The following NUMBL variants were observed in gnomAD, a reference collection of about 807,000 sequenced individuals.
NUMBL encodes NUMB like endocytic adaptor protein, also known as numb-like protein.
A neutral mutation model predicts 48.9 loss-of-function variants in NUMBL; 20 were observed. The observed-to-expected ratio is 0.41, with a 90% CI of 0.29 to 0.59. NUMBL has a LOEUF of 0.59. NUMBL is among the 20% of genes least tolerant of loss of function. NUMBL has a pLI of 0.31. For synonymous variants in NUMBL, 340 were observed against 348.7 expected, an observed-to-expected ratio of 0.98 and a Z score of 0.28; for missense variants, 660 against 846.2, an observed-to-expected ratio of 0.78 and a Z score of 2.73.
At chr19:40,671,373 T>G (rs1350962391) in intron 8 of NUMBL, among the ~76,000 whole-genome samples, 1 of 105,972 alleles carries the variant, frequency 9.4e-6, no homozygotes, top group Non-Finnish European at 1.9e-5. Context: ...GTGACATGTG[T>G]GTGGGGGGGT....
chr19:40,681,677 A>G (rs1467322271), intron 5 of NUMBL, among the ~76,000 whole-genome samples: 2 of 151,900 alleles, frequency 1.3e-5, no homozygotes, highest in Admixed American at 6.6e-5. Flanking sequence ...AAATATATAT[A>G]TATATTTTTT....
chr19:40,680,185 G>GA lies in NUMBL; in HGVS notation c.540+731_540+732insT, dbSNP rs760534764. ...CTCGCTCTGTCACCCAGGCTGGAGT[G>GA]CAGTGGTGCAGTCTTGGCTCACTGC... On this transcript the variant is annotated intron_variant, in intron 6 of 9. Coordinates refer to ENST00000252891, the MANE Select transcript of NUMBL (RefSeq NM_004756.5). Among the ~76,000 whole-genome samples the GA allele has an allele frequency of 3.1e-3, 471 of 151,790 alleles. 3 individuals are homozygous for GA. The highest frequency in any genetic ancestry group is 0.01 in the East Asian group (53 of 5,156).
chr19:40,685,963 G>C (rs1270868981), intron 2 of NUMBL: 1 of 153,038 alleles, frequency 6.5e-6, no homozygotes, highest in Non-Finnish European at 1.5e-5. Flanking sequence ...TTTTCATGAG[G>C]GTTATTTGTA....
At chr19:40,683,915 C>G (rs2081918989) in intron 3 of NUMBL, among the ~76,000 whole-genome samples, 2 of 151,700 alleles carry the variant, frequency 1.3e-5, no homozygotes, top group African/African-American at 4.9e-5. Flanking sequence ...GTAGCTGGGA[C>G]TACAGGTGCG....
chr19:40,682,132 C>G lies in NUMBL; in HGVS notation c.399+596G>C, dbSNP rs1205692730. 6.6e-6 allele frequency among the ~76,000 whole-genome samples: 1 copy of G among 151,964 alleles called. No individual in the cohort carries two copies. Among genetic ancestry groups the G allele is most frequent in the East Asian group, 1.9e-4 (1 of 5,154 alleles). On this transcript the variant is annotated intron_variant, in intron 5 of 9. Coordinates refer to ENST00000252891, the MANE Select transcript of NUMBL (RefSeq NM_004756.5). This position sits in a 1 kb window ranked among gnomAD's most constrained non-coding sequence, Gnocchi z 4.0. ...ACTTAATGGTAGGGTCTATTATAATCCCTGTTTTTCTGCGATGGAGTTTAG... is the reference window on the plus strand; with the variant it reads ...ACTTAATGGTAGGGTCTATTATAATGCCTGTTTTTCTGCGATGGAGTTTAG...
intron 2 of NUMBL, 121 bp from the exon 3 acceptor site, chr19:40,684,677 T>G: frequency 2.5e-5 from 34 of 1,362,482 alleles, no homozygotes; most frequent in Non-Finnish European, 3.1e-5. Flanking sequence ...GAAGCGGGGT[T>G]ACAGGGTCAG....
chr19:40,670,168 G>C (rs991492273), intron 8 of NUMBL, 148 bp from the exon 9 acceptor site: 1 of 884,748 alleles, frequency 1.1e-6, no homozygotes, highest in Non-Finnish European at 1.6e-6. Flanking sequence ...CCAAATAACT[G>C]TGCATATGTG....
chr19:40,690,056 C>T, intron 1 of NUMBL: 1 of 163,104 alleles, frequency 6.1e-6, no homozygotes, highest in Non-Finnish European at 1.3e-5. Flanking sequence ...AGTTGTTGTG[C>T]TGAGACCCCC....
chr19:40,680,193 G>A (rs887278676), intron 6 of NUMBL, among the ~76,000 whole-genome samples: 1 of 150,982 alleles, frequency 6.6e-6, no homozygotes, highest in Admixed American at 6.6e-5. Context: ...GTGCAGTGGT[G>A]CAGTCTTGGC....
chr19:40,670,804 G>A (rs1202505904), intron 8 of NUMBL, among the ~76,000 whole-genome samples: 3 of 152,086 alleles, frequency 2.0e-5, no homozygotes, highest in Non-Finnish European at 2.9e-5. Context: ...ACTGGGGTCC[G>A]GGTGTGTGGC....
At chr19:40,678,311 C>T (rs539283504) in intron 6 of NUMBL, among the ~76,000 whole-genome samples, 5 of 152,230 alleles carry the variant, frequency 3.3e-5, no homozygotes, top group South Asian at 2.1e-4. Context: ...TATAGGCATG[C>T]GCCACCACAC....
At position 40,666,020 on chromosome 19, in the gene NUMBL, T is replaced by G. The variant is rs1353526495; in HGVS notation, c.*1448A>C. On this transcript the variant is annotated 3_prime_UTR_variant, in exon 10 of 10. Coordinates refer to ENST00000252891, the MANE Select transcript of NUMBL (RefSeq NM_004756.5). ...GACTGTAAAACGTTGCCACATCAGGTGACACTTTGGCCAGAGTTATGGAAA... is the reference window on the plus strand; with the variant it reads ...GACTGTAAAACGTTGCCACATCAGGGGACACTTTGGCCAGAGTTATGGAAA... The G allele has an allele frequency of 6.6e-6, 1 of 152,128 alleles. No individual in the cohort carries two copies. The highest frequency in any genetic ancestry group is 2.4e-5 in the African/African-American group (1 of 41,416). 9.4% of individuals were successfully genotyped at this position (152,128 alleles called of 1,614,324 possible).
intron 9 of NUMBL, 152 bp from the exon 10 acceptor site, chr19:40,668,290 C>G: frequency 7.4e-7 from 1 of 1,346,584 alleles, no homozygotes; most frequent in East Asian, 2.5e-5. Flanking sequence ...CCCGAGCTTG[C>G]TGACTTCAGG....
chr19:40,685,416 G>C (rs1287238315), intron 2 of NUMBL: 1 of 153,938 alleles, frequency 6.5e-6, no homozygotes, highest in African/African-American at 2.4e-5. Context: ...GTTTCTGAAG[G>C]CTGTCTGGAA....
Position 40,667,604 on chromosome 19 carries a change from T to C in NUMBL, c.1694A>G (p.Glu565Gly). 6.4e-7 allele frequency: 1 copy of C among 1,554,960 alleles called. No homozygotes were observed. Among genetic ancestry groups the C allele is most frequent in the Non-Finnish European group, 8.7e-7 (1 of 1,149,320 alleles). The change falls in exon 10 of 10, where the codon GAG becomes GGG. Residue 565 changes from glutamate (E) to glycine (G), a missense_variant. Glu to Gly is a moderately conservative substitution (Grantham distance 98). Coordinates refer to ENST00000252891, the MANE Select transcript of NUMBL (RefSeq NM_004756.5). This position sits in a 1 kb window ranked among gnomAD's most constrained non-coding sequence, Gnocchi z 6.1. ...PRPNGAPWPP[E>G]PAPAPAPELD... The stretch of plus-strand genomic sequence containing the variant: ...CTCTGGAGCTGGGGCAGGCGCTGGC[T>C]CAGGGGGCCAGGGGGCCCCATTGGG...
Position 40,682,653 on chromosome 19 carries a change from G to A in NUMBL, c.399+75C>T. The A allele has an allele frequency of 4.3e-6, 6 of 1,403,886 alleles. No homozygotes were observed. Among genetic ancestry groups the A allele is most frequent in the South Asian group, 2.5e-5 (2 of 81,136 alleles). The allele number at this position is 1,403,886 out of a possible 1,614,324, so 87.0% of individuals were successfully genotyped here. The stretch of plus-strand genomic sequence containing the variant: ...AGGGAGGGATGTGCAGAGGAGGCGG[G>A]AAGGTGTCCTCCGCCCTGATTCCAG... On this transcript the variant is annotated intron_variant, in intron 5 of 9. Coordinates refer to ENST00000252891, the MANE Select transcript of NUMBL (RefSeq NM_004756.5). This position sits in a 1 kb window ranked among gnomAD's most constrained non-coding sequence, Gnocchi z 4.0.
chr19:40,678,927 C>T (rs1459075447), intron 6 of NUMBL, among the ~76,000 whole-genome samples: 1 of 151,948 alleles, frequency 6.6e-6, no homozygotes, highest in African/African-American at 2.4e-5. Context: ...CCCATCTCTA[C>T]TAAAAATACA....
chr19:40,686,376 ACTCCTGAC>A (rs60715892), intron 2 of NUMBL, among the ~76,000 whole-genome samples: 55,044 of 151,424 alleles, frequency 0.36, 10,306 homozygotes, highest in African/African-American at 0.46. Context: ...CTGGTCTCGA[ACTCCTGAC>A]CTCCTGACCT....
In NUMBL at chr19:40,667,870, T is replaced by C. The variant is rs368693248; in HGVS notation, c.1428A>G (p.Gln476=). The C allele has an allele frequency of 1.6e-5, 26 of 1,588,588 alleles. No individual in the cohort carries two copies. Among genetic ancestry groups the C allele is most frequent in the Admixed American group, 1.2e-4 (7 of 56,332 alleles). ...GTGGGGGTGGCAGGAACACGGCCAC[T>C]TGGGCAGGTGCAGCGTCAAAGGGCC... ...PVGPFDAAPA[Q]VAVFLPPPHM... Residue 476 remains glutamine (Q), a synonymous_variant, in exon 10 of 10, where the codon CAA becomes CAG. Coordinates refer to ENST00000252891, the MANE Select transcript of NUMBL (RefSeq NM_004756.5). The surrounding 1 kb of genome is among the most constrained non-coding windows in gnomAD (Gnocchi z 6.1).
Sources: gnomAD v4.1 joint callset for allele counts (sites outside exome capture counted in the v4.1 genomes callset) on GRCh38, gnomAD v4.1.1 for gene constraint, Gnocchi (gnomAD v3.1) non-coding constraint, MANE v1.5 for transcripts, NCBI Gene and HGNC (gene_info 2026-07-23, HGNC 2026-07-21) for gene names.